PRTG: variants seen among roughly 807,000 people sequenced by gnomAD.
PRTG encodes the protein immunoglobulin superfamily, DCC subclass, member 5.
In PRTG, 67 loss-of-function variants were observed where a neutral mutation model predicts 122.5. The observed-to-expected ratio is 0.55, with a 90% CI of 0.45 to 0.67. The LOEUF is 0.67. Ranked by LOEUF, PRTG falls within the 30% of genes least tolerant of loss-of-function variation. The pLI, the probability that PRTG is intolerant of heterozygous loss-of-function variation, is 0.00. For synonymous variants in PRTG, 554 were observed against 501.1 expected (o/e 1.11, Z -1.41); for missense variants, 1,435 against 1,415.4 (o/e 1.01, Z -0.22).
intron 15 of PRTG, among the ~76,000 whole-genome samples, chr15:55,634,061 T>G (rs559541988): frequency 7.8e-6 from 1 of 128,404 alleles, no homozygotes; most frequent in African/African-American, 2.9e-5. Flanking sequence ...AAATATACAT[T>G]GCTTTTTTTT....
In PRTG at chr15:55,616,689, C is replaced by T. The variant is rs533262337; in HGVS notation, c.*3323G>A. On this transcript the variant is annotated 3_prime_UTR_variant, in exon 20 of 20. Transcript: ENST00000389286. ...ATGTACAACTATATTTGCCTATATG[C>T]GGAGGTAACCTTAAATATCTTTGGT... The T allele has an allele frequency of 1.3e-4, 20 of 152,216 alleles. No individual in the cohort carries two copies. The highest frequency in any genetic ancestry group is 1.9e-4 in the East Asian group (1 of 5,188). The allele number at this position is 152,216 out of a possible 1,614,324, so 9.4% of individuals were successfully genotyped here.
intron 11 of PRTG, among the ~76,000 whole-genome samples, chr15:55,645,388 C>T (rs548627028): frequency 3.0e-3 from 347 of 115,248 alleles, no homozygotes; most frequent in African/African-American, 9.6e-3. Flanking sequence ...GAGTCGAGAT[C>T]GCGCCACTGC....
At chr15:55,690,125 T>C (rs1313207027) in intron 2 of PRTG, among the ~76,000 whole-genome samples, 2 of 152,194 alleles carry the variant, frequency 1.3e-5, no homozygotes, top group African/African-American at 4.8e-5. Context: ...CCCATTGTTC[T>C]TACAATAAGA....
chr15:55,621,295 G>A (rs1035328986), intron 18 of PRTG, among the ~76,000 whole-genome samples: 1 of 152,140 alleles, frequency 6.6e-6, no homozygotes, highest in Admixed American at 6.6e-5. Flanking sequence ...AGGTTGCAGT[G>A]AGCTGAGATC....
intron 16 of PRTG, among the ~76,000 whole-genome samples, chr15:55,627,890 C>T (rs1005103436): frequency 6.6e-6 from 1 of 152,150 alleles, no homozygotes; most frequent in African/African-American, 2.4e-5. Context: ...CCGACTCTGA[C>T]TCACTAAGTC....
chr15:55,670,326 G>GT (rs533988628), intron 11 of PRTG, among the ~76,000 whole-genome samples: 125 of 152,128 alleles, frequency 8.2e-4, no homozygotes, highest in African/African-American at 2.8e-3. Context: ...TGTATTTTTT[G>GT]TATCTTCTAT....
intron 2 of PRTG, among the ~76,000 whole-genome samples, chr15:55,732,793 C>T (rs1481497662): frequency 1.3e-5 from 2 of 152,060 alleles, no homozygotes; most frequent in Admixed American, 6.5e-5. Context: ...CATGCCCAGC[C>T]GGTAAACCCT....
chr15:55,683,909 C>T lies in PRTG; in HGVS notation c.420G>A (p.Gln140=), dbSNP rs2059555720. The change falls in exon 3 of 20, where the codon CAG becomes CAA. Residue 140 remains glutamine (Q), a synonymous_variant. Coordinates refer to ENST00000389286, the MANE Select transcript of PRTG (RefSeq NM_173814.6). Reference sequence around the variant, plus strand: ...CTTCGTGGACCTCAGTGGAAATTGGCTGGACTTCAAATGCAGAAATAGCTA... The same window carrying T: ...CTTCGTGGACCTCAGTGGAAATTGGTTGGACTTCAAATGCAGAAATAGCTA... ...ALSTISAFEV[Q]PISTEVHEGG... The T allele has an allele frequency of 2.5e-6, 4 of 1,613,416 alleles. No individual in the cohort carries two copies. Among genetic ancestry groups the T allele is most frequent in the Non-Finnish European group, 3.4e-6 (4 of 1,179,714 alleles).
rs768823315 is a variant in PRTG at position 55,677,848 on chromosome 15, A to G, written c.1330T>C (p.Tyr444His). The G allele has an allele frequency of 6.2e-7, 1 of 1,613,920 alleles. No individual in the cohort carries two copies. The highest frequency in any genetic ancestry group is 1.3e-5 in the African/African-American group (1 of 75,042). ...AILLAWERPL[Y>H]NSDKVIAYSV... ...TAGGCAATGACTTTGTCTGAATTAT[A>G]AAGTGGCCTCTCCCAGGCTAAAAGA... Residue 444 changes from tyrosine to histidine, a missense_variant, in exon 8 of 20, where the codon TAT becomes CAT. Transcript: ENST00000389286.
chr15:55,718,910 T>A (rs1282538030), intron 2 of PRTG, among the ~76,000 whole-genome samples: 1 of 115,120 alleles, frequency 8.7e-6, no homozygotes, highest in Non-Finnish European at 1.8e-5. Context: ...GCTCGGCTAA[T>A]TTTTTTTTAT....
At position 55,637,117 on chromosome 15, in the gene PRTG, T is replaced by C; in HGVS notation, c.2623+53A>G. ...CTAGATTCCCCTTTCCTTTTGTTTCTTTAATATTAATAATCGTACTTTTCA... is the reference window on the plus strand; with the variant it reads ...CTAGATTCCCCTTTCCTTTTGTTTCCTTAATATTAATAATCGTACTTTTCA... On this transcript the variant is annotated intron_variant, in intron 15 of 19. Coordinates refer to ENST00000389286, the MANE Select transcript of PRTG (RefSeq NM_173814.6). 3.1e-6 allele frequency: 4 copies of C among 1,297,090 alleles called. No individual in the cohort carries two copies. The South Asian group carries it at 9.0e-5, about 29-fold the overall frequency. 80.3% of individuals were successfully genotyped at this position (1,297,090 alleles called of 1,614,324 possible). A position where few individuals can be genotyped will look rare whatever the true frequency, so the allele number is the denominator to read the frequency against.
chr15:55,719,456 G>T (rs541996152), intron 2 of PRTG, among the ~76,000 whole-genome samples: 2 of 152,098 alleles, frequency 1.3e-5, no homozygotes, highest in Non-Finnish European at 2.9e-5. Context: ...AAGAATGAAT[G>T]TCTATTAATG....
intron 11 of PRTG, among the ~76,000 whole-genome samples, chr15:55,661,389 C>A (rs1050274773): frequency 3.3e-5 from 5 of 152,176 alleles, no homozygotes; most frequent in African/African-American, 1.2e-4. Flanking sequence ...AACACAGCCA[C>A]ATGAAATAAT....
At chr15:55,706,028 T>G (rs1218986475) in intron 2 of PRTG, among the ~76,000 whole-genome samples, 4 of 141,220 alleles carry the variant, frequency 2.8e-5, no homozygotes, top group Non-Finnish European at 4.6e-5. Context: ...TTTTTTTTTT[T>G]TTTTTGTATT....
Position 55,675,534 on chromosome 15 carries a change from T to C in PRTG, c.1531A>G (p.Asn511Asp). Residue 511 changes from asparagine to aspartate, a missense_variant, in exon 9 of 20, where the codon AAT (asparagine) becomes GAT (aspartate). Physicochemically the swap from Asn to Asp is conservative, Grantham distance 23. Coordinates refer to ENST00000389286, the MANE Select transcript of PRTG (RefSeq NM_173814.6). ...ASQMSDHVTQ[N>D]TLEDVPLRPP... ...GTTTTCTTACCATCCTCTAGAGTAT[T>C]CTGTGTCACATGGTCAGACATCTGG... is the stretch of plus-strand genomic sequence containing the variant. 6.2e-7 allele frequency: 1 copy of C among 1,611,050 alleles called. No homozygotes were observed. The highest frequency in any genetic ancestry group is 8.5e-7 in the Non-Finnish European group (1 of 1,177,922).
Position 55,615,290 on chromosome 15 carries a change from T to G in PRTG, c.*4722A>C, listed in dbSNP as rs548138877. 2.0e-5 allele frequency: 3 copies of G among 152,224 alleles called. No homozygotes were observed. Among genetic ancestry groups the G allele is most frequent in the Admixed American group, 2.0e-4 (3 of 15,268 alleles). 9.4% of individuals were successfully genotyped at this position (152,224 alleles called of 1,614,324 possible). Reference sequence around the variant, plus strand: ...ATCTGCAGAACTTAAGAAAAATTTGTGTTATTTTAAGCCACCACCTTCATG... The same window carrying G: ...ATCTGCAGAACTTAAGAAAAATTTGGGTTATTTTAAGCCACCACCTTCATG... On this transcript the variant is annotated 3_prime_UTR_variant, in exon 20 of 20. Transcript: ENST00000389286.
intron 16 of PRTG, among the ~76,000 whole-genome samples, chr15:55,628,306 A>G (rs534234110): frequency 1.1e-4 from 16 of 152,096 alleles, no homozygotes; most frequent in African/African-American, 3.4e-4. Context: ...TCTTGAGAAC[A>G]CATGGACAGC....
Position 55,613,554 on chromosome 15 carries a change from TAGG to T in PRTG, c.*6455_*6457del, listed in dbSNP as rs1180920655. On this transcript the variant is annotated 3_prime_UTR_variant, in exon 20 of 20. Coordinates refer to ENST00000389286, the MANE Select transcript of PRTG (RefSeq NM_173814.6). ...ATGGAAGGTTTTGGAGGAGAGAAAT[TAGG>T]AGATGATAAGGGATGAGTTACAGCC... The T allele has an allele frequency of 1.3e-4, 20 of 152,044 alleles. No individual in the cohort carries two copies. The highest frequency in any genetic ancestry group is 1.1e-3 in the Admixed American group (16 of 15,236). 9.4% of individuals were successfully genotyped at this position (152,044 alleles called of 1,614,324 possible).
At chr15:55,665,856 C>G (rs956364953) in intron 11 of PRTG, among the ~76,000 whole-genome samples, 1 of 152,100 alleles carries the variant, frequency 6.6e-6, no homozygotes, top group African/African-American at 2.4e-5. Context: ...TTTCACTGTA[C>G]CCAGCCTGAA....
Sources: allele counts gnomAD v4.1 joint callset (sites outside exome capture counted in the v4.1 genomes callset), GRCh38; gene constraint gnomAD v4.1.1; transcripts MANE v1.5; gene names NCBI Gene and HGNC (gene_info 2026-07-23, HGNC 2026-07-21).